The following PPP1R9A variants were observed in gnomAD, a reference collection of about 807,000 sequenced individuals.
PPP1R9A encodes the protein protein phosphatase 1 regulatory subunit 9A.
In PPP1R9A, 59 loss-of-function variants were observed where a neutral mutation model predicts 141.9. The ratio of observed to expected loss-of-function variants is 0.42; its 90% CI spans 0.34 to 0.52. PPP1R9A has a LOEUF of 0.52. PPP1R9A is among the 20% of genes least tolerant of loss of function. The probability of loss-of-function intolerance (pLI) is 0.10; values close to 1 mark genes in which losing one functional copy is unlikely to be tolerated. For synonymous variants in PPP1R9A, 500 were observed against 569.7 expected (o/e 0.88, Z 1.74); for missense variants, 1,444 against 1,611.9 (o/e 0.90, Z 1.78).
At chr7:95,054,257 A>T (rs530928260) in intron 2 of PPP1R9A, among the ~76,000 whole-genome samples, 1 of 151,260 alleles carries the variant, frequency 6.6e-6, no homozygotes, top group Admixed American at 6.6e-5. Context: ...CTGAGATTAC[A>T]GGCGCCCACC....
At chr7:94,968,218 G>C (rs901426747) in intron 2 of PPP1R9A, among the ~76,000 whole-genome samples, 3 of 151,976 alleles carry the variant, frequency 2.0e-5, no homozygotes, top group African/African-American at 7.2e-5. Flanking sequence ...TGTCGCCCAG[G>C]CTGGAGTGCA....
At chr7:95,043,023 T>C (rs1366100067) in intron 2 of PPP1R9A, among the ~76,000 whole-genome samples, 1 of 152,176 alleles carries the variant, frequency 6.6e-6, no homozygotes, top group Non-Finnish European at 1.5e-5. Context: ...ACAAGTAAGA[T>C]ACATATGGAA....
intron 2 of PPP1R9A, among the ~76,000 whole-genome samples, chr7:94,983,869 T>A (rs1305470485): frequency 6.6e-6 from 1 of 152,184 alleles, no homozygotes; most frequent in East Asian, 1.9e-4. Context: ...AACACTATGT[T>A]GAATAGGAGT....
chr7:95,138,228 G>A (rs1039224433), intron 4 of PPP1R9A, among the ~76,000 whole-genome samples: 7 of 152,222 alleles, frequency 4.6e-5, no homozygotes, highest in East Asian at 1.9e-4. Context: ...CACCGCGCCC[G>A]GCCAGCTGAC....
At chr7:95,173,383 C>A (rs1216051273) in intron 5 of PPP1R9A, among the ~76,000 whole-genome samples, 1 of 151,616 alleles carries the variant, frequency 6.6e-6, no homozygotes, top group Non-Finnish European at 1.5e-5. Context: ...CACTACTATG[C>A]AATATATCCA....
At chr7:95,069,750 T>A (rs764118964) in intron 2 of PPP1R9A, among the ~76,000 whole-genome samples, 5 of 152,056 alleles carry the variant, frequency 3.3e-5, no homozygotes, top group Admixed American at 1.3e-4. Context: ...TAAGGACTTG[T>A]TTTTCTTTTT....
chr7:94,916,047 T>A (rs943633866), intron 2 of PPP1R9A, among the ~76,000 whole-genome samples: 2 of 152,194 alleles, frequency 1.3e-5, no homozygotes, highest in African/African-American at 4.8e-5. Context: ...TCTATTTATT[T>A]TATTGTTGTC....
intron 2 of PPP1R9A, among the ~76,000 whole-genome samples, chr7:95,086,694 T>A (rs1816678231): frequency 6.6e-6 from 1 of 152,032 alleles, no homozygotes; most frequent in South Asian, 2.1e-4. Context: ...TATTCTTTTC[T>A]ACTGCACTTC....
Position 95,003,270 on chromosome 7 carries a change from G to A in PPP1R9A, c.1395+91762G>A, listed in dbSNP as rs147697185. ...AAAACTTGAATAATTATTCTTACAC[G>A]TCTCCATTAATATGAAGAATCATGC... On this transcript the variant is annotated intron_variant, in intron 2 of 19. Transcript: ENST00000433360. 1.8e-3 allele frequency among the ~76,000 whole-genome samples: 268 copies of A among 152,100 alleles called. 2 individuals are homozygous for A. Among genetic ancestry groups the A allele is most frequent in the African/African-American group, 5.8e-3 (241 of 41,506 alleles).
At position 94,960,634 on chromosome 7, in the gene PPP1R9A, GT is replaced by G. The variant is rs1797531050; in HGVS notation, c.1395+49127del. 5.9e-5 allele frequency among the ~76,000 whole-genome samples: 9 copies of G among 151,748 alleles called. 1 individual carries two copies. The highest frequency in any genetic ancestry group is 5.3e-4 in the Admixed American group (8 of 15,234). On this transcript the variant is annotated intron_variant, in intron 2 of 19. Transcript: ENST00000433360. ...ATTCTTACCATAAACCCCCAGGTAA[GT>G]AATATTAATCCCTCATAAAGTTTAT...
chr7:95,120,030 C>T (rs1822265831), intron 3 of PPP1R9A, among the ~76,000 whole-genome samples: 1 of 145,872 alleles, frequency 6.9e-6, no homozygotes, highest in Admixed American at 7.1e-5. Context: ...AATCTTGGCT[C>T]ACTGCAACCT....
At chr7:95,043,576 T>TA (rs1289060961) in intron 2 of PPP1R9A, among the ~76,000 whole-genome samples, 2 of 152,148 alleles carry the variant, frequency 1.3e-5, no homozygotes, top group African/African-American at 4.8e-5. Context: ...GTTCTCCAGG[T>TA]ACCCCCTCTA....
chr7:94,967,785 T>G (rs1798379661), intron 2 of PPP1R9A, among the ~76,000 whole-genome samples: 1 of 152,172 alleles, frequency 6.6e-6, no homozygotes, highest in Non-Finnish European at 1.5e-5. Flanking sequence ...CTGTTTGTTG[T>G]GATTTCCATT....
chr7:95,177,918 A>G (rs182437846), intron 5 of PPP1R9A, among the ~76,000 whole-genome samples: 57 of 152,262 alleles, frequency 3.7e-4, no homozygotes, highest in Admixed American at 6.5e-4. Flanking sequence ...TGAGATAGAC[A>G]ACAACACAGT....
chr7:95,219,527 T>C (rs1286613170), intron 7 of PPP1R9A, among the ~76,000 whole-genome samples: 1 of 152,164 alleles, frequency 6.6e-6, no homozygotes, highest in Non-Finnish European at 1.5e-5. Context: ...CCTTGCTAGA[T>C]TGGGGAAGTT....
intron 5 of PPP1R9A, among the ~76,000 whole-genome samples, chr7:95,179,435 T>C (rs547987646): frequency 2.0e-5 from 3 of 152,122 alleles, no homozygotes; most frequent in Non-Finnish European, 4.4e-5. Context: ...TGGTGAAAAG[T>C]TGAAAGCATT....
intron 2 of PPP1R9A, among the ~76,000 whole-genome samples, chr7:94,966,287 G>T (rs956391345): frequency 1.3e-5 from 2 of 152,152 alleles, no homozygotes; most frequent in African/African-American, 4.8e-5. Flanking sequence ...GAGACAATTT[G>T]ACTTCCTCTC....
intron 2 of PPP1R9A, among the ~76,000 whole-genome samples, chr7:94,974,746 A>G (rs1467241087): frequency 6.6e-6 from 1 of 152,220 alleles, no homozygotes; most frequent in Non-Finnish European, 1.5e-5. Flanking sequence ...GGATAACAGC[A>G]TTTTCAATCA....
At chr7:95,215,480 T>C (rs1479790744) in intron 7 of PPP1R9A, among the ~76,000 whole-genome samples, 1 of 152,170 alleles carries the variant, frequency 6.6e-6, no homozygotes, top group Non-Finnish European at 1.5e-5. Context: ...CCTTTGGGTA[T>C]ATACCCAGTA....
Sources: gnomAD v4.1 joint callset for allele counts (sites outside exome capture counted in the v4.1 genomes callset) on GRCh38, gnomAD v4.1.1 for gene constraint, MANE v1.5 for transcripts, NCBI Gene and HGNC (gene_info 2026-07-23, HGNC 2026-07-21) for gene names.